Variants in GRAMD4 observed in about 807,000 individuals in gnomAD.
GRAMD4 encodes GRAM domain-containing protein 4.
GRAMD4 carries 25 observed loss-of-function variants against 83.9 expected under a neutral mutation model. The observed-to-expected ratio is 0.30, with a 90% confidence interval of 0.22 to 0.42. The LOEUF (loss-of-function observed/expected upper bound fraction) is 0.42. Among genes scored for constraint, GRAMD4 ranks in the 10% least tolerant of loss-of-function variants. The pLI, the probability that GRAMD4 is intolerant of heterozygous loss-of-function variation, is 1.00. For synonymous variants in GRAMD4, 336 were observed against 320.9 expected (o/e 1.05, Z -0.50); for missense variants, 593 against 788.7 (o/e 0.75, Z 2.97).
At chr22:46,583,379 T>A (rs1356897345) in intron 1 of GRAMD4, among the ~76,000 whole-genome samples, 1 of 152,280 alleles carries the variant, frequency 6.6e-6, no homozygotes, top group Admixed American at 6.5e-5. Flanking sequence ...CTAATATTGA[T>A]ACATTATCAT....
chr22:46,611,853 C>T (rs565711561), intron 1 of GRAMD4, among the ~76,000 whole-genome samples: 38 of 150,800 alleles, frequency 2.5e-4, no homozygotes, highest in Middle Eastern at 3.4e-3. Flanking sequence ...AAAAATTAGC[C>T]GGGCATGGTG....
downstream of GRAMD4, among the ~76,000 whole-genome samples, chr22:46,680,747 C>A (rs1252010219): frequency 1.4e-5 from 2 of 144,050 alleles, no homozygotes; most frequent in Non-Finnish European, 1.5e-5. Flanking sequence ...CCCACCCATC[C>A]ATCCATCCAC....
At chr22:46,680,070 G>A (rs1427829719), downstream of GRAMD4, among the ~76,000 whole-genome samples, 2 of 152,236 alleles carry the variant, frequency 1.3e-5, no homozygotes, top group Admixed American at 6.5e-5. Context: ...CGAGGGACGC[G>A]GCCTGCAGGG....
At position 46,586,110 on chromosome 22, in the gene GRAMD4, G is replaced by C. The variant is rs372548233; in HGVS notation, c.-50+8820G>C. ...AATTGGCCTGGCTCCCCCAGTCTGG[G>C]ACCTAGAGCACAGCCCGGGGAGCCA... On this transcript the variant is annotated intron_variant, in intron 1 of 1. Coordinates refer to the GRAMD4 transcript ENST00000431155. Among the ~76,000 whole-genome samples the C allele has an allele frequency of 2.5e-3, 377 of 152,138 alleles. 3 individuals are homozygous for C. The highest frequency in any genetic ancestry group is 8.6e-3 in the African/African-American group (359 of 41,516).
At chr22:46,627,435 G>A (rs1300136900) in intron 2 of GRAMD4, among the ~76,000 whole-genome samples, 1 of 152,266 alleles carries the variant, frequency 6.6e-6, no homozygotes, top group Non-Finnish European at 1.5e-5. Flanking sequence ...TGGCCAGCTG[G>A]GGGGACAGCA....
chr22:46,613,308 C>T (rs1057128861), intron 1 of GRAMD4, among the ~76,000 whole-genome samples: 4 of 152,236 alleles, frequency 2.6e-5, no homozygotes, highest in African/African-American at 9.6e-5. Flanking sequence ...CCGCGACCCA[C>T]TGCATGCCTG....
intron 1 of GRAMD4, among the ~76,000 whole-genome samples, chr22:46,610,884 A>C (rs547676283): frequency 6.6e-6 from 1 of 152,106 alleles, no homozygotes; most frequent in Non-Finnish European, 1.5e-5. Flanking sequence ...CTGTGCCTAC[A>C]CTTAGGTTTT....
chr22:46,601,600 C>T (rs1019668503), intron 1 of GRAMD4, among the ~76,000 whole-genome samples: 7 of 151,926 alleles, frequency 4.6e-5, no homozygotes, highest in African/African-American at 1.2e-4. Context: ...AGTTCGAGAC[C>T]AGTCTGGCAA....
intron 1 of GRAMD4, among the ~76,000 whole-genome samples, chr22:46,623,873 C>A (rs2081614507): frequency 6.6e-6 from 1 of 151,804 alleles, no homozygotes. Context: ...CCTCCACCTC[C>A]CGGGTTCAAG....
intron 2 of GRAMD4, among the ~76,000 whole-genome samples, chr22:46,632,227 G>A (rs2081785516): frequency 1.3e-5 from 2 of 152,168 alleles, no homozygotes; most frequent in Admixed American, 1.3e-4. Context: ...GGTAAAGGTG[G>A]AAGAGACAGG....
intron 14 of GRAMD4, 21 bp downstream of exon 14, chr22:46,673,018 C>CGGGGATGG (rs907185498): frequency 9.1e-6 from 14 of 1,543,276 alleles, no homozygotes; most frequent in Admixed American, 1.9e-5. Flanking sequence ...CCCCCAGCTG[C>CGGGGATGG]GGGGATGGGG....
chr22:46,575,918 G>C (rs1251050406), upstream of GRAMD4: 1 of 152,316 alleles, frequency 6.6e-6, no homozygotes, highest in Non-Finnish European at 1.5e-5. Context: ...GTCCATCAGG[G>C]CTAGACCTGG....
At chr22:46,663,902 A>G in intron 7 of GRAMD4, 39 bp downstream of exon 7, 1 of 1,608,872 alleles carries the variant, frequency 6.2e-7, no homozygotes, top group East Asian at 2.2e-5. Flanking sequence ...CACGATGCTC[A>G]GTGTGGGTGG....
rs2082355218 is a variant in GRAMD4, at chr22:46,663,169, G to A, written c.596G>A (p.Arg199His). Reference protein sequence around the residue: ...TVETEEPLSARRLTENMRRLK... With the variant: ...TVETEEPLSAHRLTENMRRLK... ...GAGACAGAGGAACCCCTGAGCGCCC[G>A]CAGGTAGGGGTTCGCCGAGCTGGGG... Residue 199 changes from arginine to histidine, a missense_variant, in exon 6 of 19, where the codon CGC (arginine) becomes CAC (histidine). Arg to His is a conservative substitution (Grantham distance 29, BLOSUM62 0). This residue lies in a region of GRAMD4 where 312 missense variants were observed against 350.7 expected (regional missense o/e 0.89). Transcript: ENST00000406902. The A allele has an allele frequency of 1.2e-6, 2 of 1,610,326 alleles. No individual in the cohort carries two copies. Among genetic ancestry groups the A allele is most frequent in the Non-Finnish European group, 8.5e-7 (1 of 1,178,390 alleles).
chr22:46,593,381 G>A (rs1388985586), intron 1 of GRAMD4, among the ~76,000 whole-genome samples: 5 of 152,058 alleles, frequency 3.3e-5, no homozygotes, highest in Non-Finnish European at 5.9e-5. Context: ...TGAAAGGGAC[G>A]TTGTTGTTCT....
At chr22:46,675,139 TGTGAATGTCTTATGCAGAGCAGTGGCC>T (rs2082575452) in intron 16 of GRAMD4, among the ~76,000 whole-genome samples, 1 of 151,732 alleles carries the variant, frequency 6.6e-6, no homozygotes, top group Non-Finnish European at 1.5e-5. Context: ...GAGCAGTGGC[TGTGAATGTCTTATGCAGAGCAGTGGCC>T]GTGAGTGTCT....
In GRAMD4 at chr22:46,668,114, C is replaced by T. The variant is rs2082437971; in HGVS notation, c.877C>T (p.Leu293=). 2 of 1,611,130 alleles carry T rather than the reference C, an allele frequency of 1.2e-6. No homozygotes were observed. The highest frequency in any genetic ancestry group is 3.3e-5 in the Admixed American group (2 of 59,972). Residue 293 remains leucine (L), a synonymous_variant, in exon 11 of 19, where the codon CTG becomes TTG. Coordinates refer to ENST00000406902, the MANE Select transcript of GRAMD4 (RefSeq NM_015124.5). ...ACTGAAGGAACCTCCAAAGGAAGAC[C>T]TGACTGTGTCTGAGAAGTTCCAGCT... ...SEPVEPPKED[L]TVSEKFQLVL... is the part of the protein sequence containing the mutation.
chr22:46,596,848 G>A (rs1478919133), intron 1 of GRAMD4, among the ~76,000 whole-genome samples: 1 of 152,168 alleles, frequency 6.6e-6, no homozygotes, highest in African/African-American at 2.4e-5. Flanking sequence ...ACCATGCCTG[G>A]CCCAGATTAG....
At chr22:46,625,149 C>T (rs1451041960) in intron 1 of GRAMD4, among the ~76,000 whole-genome samples, 6 of 152,178 alleles carry the variant, frequency 3.9e-5, no homozygotes, top group South Asian at 2.1e-4. Context: ...CGTGAGCCAC[C>T]GCGCCCAGCG....
Sources: gnomAD v4.1 joint callset for allele counts (sites outside exome capture counted in the v4.1 genomes callset) on GRCh38, gnomAD v4.1.1 for gene constraint, gnomAD v4.1.1 regional missense constraint, MANE v1.5 for transcripts, NCBI Gene and HGNC (gene_info 2026-07-23, HGNC 2026-07-21) for gene names.